Variants in HGF observed in about 807,000 individuals in gnomAD.
The protein encoded by HGF is hepatocyte growth factor.
Under a neutral mutation model 111.6 loss-of-function variants are expected in HGF, and 39 were observed. That is an observed-to-expected ratio of 0.35 (90% CI 0.27 to 0.46). HGF has a LOEUF of 0.46. HGF is among the 20% of genes least tolerant of loss of function. The pLI is 1.00. For missense variants in HGF, 735 were observed against 910.5 expected, an observed-to-expected ratio of 0.81 and a Z score of 2.48; for synonymous variants, 285 against 294.8, an observed-to-expected ratio of 0.97 and a Z score of 0.34.
intron 15 of HGF, 106 bp from the exon 16 acceptor site, chr7:81,705,859 G>T: frequency 1.2e-5 from 7 of 591,028 alleles, no homozygotes; most frequent in Non-Finnish European, 1.7e-5. Context: ...AGAGAATGAA[G>T]TCCTGTTTCT....
At chr7:81,732,021 A>G (rs1787677340) in intron 7 of HGF, among the ~76,000 whole-genome samples, 1 of 152,070 alleles carries the variant, frequency 6.6e-6, no homozygotes, top group Non-Finnish European at 1.5e-5. Context: ...TTACTTTCCT[A>G]CTTAATTGTA....
chr7:81,714,220 T>G (rs999614732), intron 11 of HGF, among the ~76,000 whole-genome samples: 2 of 152,170 alleles, frequency 1.3e-5, no homozygotes, highest in Non-Finnish European at 1.5e-5. Context: ...TGCTTTGTAA[T>G]TATTTCCATA....
At chr7:81,740,378 A>C (rs2115996103) in intron 7 of HGF, among the ~76,000 whole-genome samples, 1 of 152,318 alleles carries the variant, frequency 6.6e-6, no homozygotes, top group East Asian at 1.9e-4. Context: ...ACAAGTAAAT[A>C]CATGTGTGGT....
At chr7:81,713,565 A>G (rs1303524536) in intron 11 of HGF, among the ~76,000 whole-genome samples, 3 of 151,838 alleles carry the variant, frequency 2.0e-5, no homozygotes, top group Non-Finnish European at 2.9e-5. Flanking sequence ...TGTAGACACT[A>G]TACATTTTGG....
chr7:81,744,303 ATTTTTT>A (rs199738928), intron 6 of HGF, among the ~76,000 whole-genome samples: 1 of 146,496 alleles, frequency 6.8e-6, no homozygotes, highest in Non-Finnish European at 1.5e-5. Flanking sequence ...AGTAGACATG[ATTTTTT>A]TTTTTTTTTT....
chr7:81,768,650 A>T (rs1313598553), intron 1 of HGF, among the ~76,000 whole-genome samples: 1 of 152,188 alleles, frequency 6.6e-6, no homozygotes, highest in Non-Finnish European at 1.5e-5. Flanking sequence ...AAGTGCTGGG[A>T]TTACAGGCGT....
At chr7:81,744,290 A>T (rs936354946) in intron 6 of HGF, among the ~76,000 whole-genome samples, 2 of 121,412 alleles carry the variant, frequency 1.6e-5, no homozygotes, top group African/African-American at 3.3e-5. Flanking sequence ...ATACATGGGC[A>T]AAAGTAGACA....
In HGF at chr7:81,729,630, T is replaced by C; in HGVS notation, c.1015A>G (p.Met339Val). The C allele has an allele frequency of 1.2e-6, 2 of 1,613,962 alleles. No homozygotes were observed. The highest frequency in any genetic ancestry group is 1.6e-4 in the Middle Eastern group (1 of 6,062). ...WDSQYPHEHDMTPENFKCKDL... is the reference protein window; with the variant it reads ...WDSQYPHEHDVTPENFKCKDL... ...TTGCACTTGAAATTTTCAGGAGTCATGTCATGCTCGTGAGGATACTGAGAA... is the reference window on the plus strand; with the variant it reads ...TTGCACTTGAAATTTTCAGGAGTCACGTCATGCTCGTGAGGATACTGAGAA... The change falls in exon 8 of 18, where the codon ATG becomes GTG. Residue 339 changes from methionine (M) to valine (V), a missense_variant. Physicochemically the swap from Met to Val is conservative, Grantham distance 21. This residue lies in a region of HGF where 553 missense variants were observed against 685.6 expected (regional missense o/e 0.81). Transcript: ENST00000222390.
At chr7:81,729,546 C>T (rs1787564003) in intron 8 of HGF, 59 bp downstream of exon 8, 6 of 1,318,442 alleles carry the variant, frequency 4.6e-6, no homozygotes, top group Non-Finnish European at 6.6e-6. Context: ...AAAGTAACCA[C>T]TCTACCTCAT....
intron 3 of HGF, among the ~76,000 whole-genome samples, 182 bp from the exon 4 acceptor site, chr7:81,757,485 A>C (rs973022027): frequency 6.6e-6 from 1 of 152,302 alleles, no homozygotes; most frequent in Middle Eastern, 3.4e-3. Context: ...ATAATCCAAA[A>C]CAAACAGATG....
intron 3 of HGF, among the ~76,000 whole-genome samples, chr7:81,758,421 A>C (rs1028557965): frequency 1.3e-5 from 2 of 152,026 alleles, no homozygotes; most frequent in African/African-American, 4.8e-5. Flanking sequence ...TGCCAGTTCT[A>C]GGAGATGCTC....
intron 11 of HGF, among the ~76,000 whole-genome samples, chr7:81,716,679 T>G (rs1448188196): frequency 1.3e-5 from 2 of 152,208 alleles, no homozygotes; most frequent in African/African-American, 4.8e-5. Context: ...ATGTATTACA[T>G]GTTTTTTATA....
intron 5 of HGF, 97 bp downstream of exon 5, chr7:81,752,023 T>A: frequency 6.4e-7 from 1 of 1,563,904 alleles, no homozygotes; most frequent in African/African-American, 1.4e-5. Flanking sequence ...ACAACATATT[T>A]GTTATGATTG....
chr7:81,702,535 TA>T lies in HGF; in HGVS notation c.*45del. On this transcript the variant is annotated 3_prime_UTR_variant, in exon 18 of 18. Transcript: ENST00000222390. ...TTCCACATTCTCTGAAATCTTCATG[TA>T]AAAGACAGTTGTATTGGTGGGTGCT... 1 of 1,454,346 alleles carries T rather than the reference TA, an allele frequency of 6.9e-7. No homozygotes were observed. Among genetic ancestry groups the T allele is most frequent in the Non-Finnish European group, 9.7e-7 (1 of 1,036,092 alleles). The allele number at this position is 1,454,346 out of a possible 1,614,324, so 90.1% of individuals were successfully genotyped here. A position where few individuals can be genotyped will look rare whatever the true frequency, so the allele number is the denominator to read the frequency against.
chr7:81,725,473 A>T (rs1461785543), intron 9 of HGF, among the ~76,000 whole-genome samples: 1 of 152,170 alleles, frequency 6.6e-6, no homozygotes, highest in Non-Finnish European at 1.5e-5. Context: ...TCTTATAGCA[A>T]GTAAGATCTT....
In HGF at chr7:81,705,277, T is replaced by C. The variant is rs117001739; in HGVS notation, c.2010+113A>G. 371 of 1,004,468 alleles carry C rather than the reference T, an allele frequency of 3.7e-4. No individual in the cohort carries two copies. In the East Asian group the frequency reaches 5.3e-3, roughly 14 times the overall value. The allele number at this position is 1,004,468 out of a possible 1,614,324, so 62.2% of individuals were successfully genotyped here. On this transcript the variant is annotated intron_variant, in intron 17 of 17. Coordinates refer to ENST00000222390, the MANE Select transcript of HGF (RefSeq NM_000601.6). ...GTTAATTTTCCCAATTCCTCTTTCC[T>C]AGAATAGGTTGGTATACAATATTTT...
rs1285800343 is a variant in HGF, at chr7:81,705,721, A to G, written c.1790T>C (p.Ile597Thr). Reference protein sequence around the residue: ...PAVLDDFVSTIDLPNYGCTIP... With the variant: ...PAVLDDFVSTTDLPNYGCTIP... Reference sequence around the variant, plus strand: ...TGTGCATCCATAATTAGGTAAATCAATCGTACTAACAAAATCATCCAGGAC... The same window carrying G: ...TGTGCATCCATAATTAGGTAAATCAGTCGTACTAACAAAATCATCCAGGAC... The change falls in exon 16 of 18, where the codon ATT becomes ACT. Residue 597 changes from isoleucine to threonine, a missense_variant. Physicochemically the swap from Ile to Thr is moderately conservative, Grantham distance 89. Coordinates refer to ENST00000222390, the MANE Select transcript of HGF (RefSeq NM_000601.6). 10 of 1,612,010 alleles carry G rather than the reference A, an allele frequency of 6.2e-6. No homozygotes were observed. The highest frequency in any genetic ancestry group is 3.3e-5 in the Admixed American group (2 of 59,800).
At chr7:81,711,845 T>C (rs961005049) in intron 11 of HGF, among the ~76,000 whole-genome samples, 9 of 152,122 alleles carry the variant, frequency 5.9e-5, no homozygotes, top group Admixed American at 3.9e-4. Context: ...GATTTCGCCA[T>C]GTGGGCCAGG....
At chr7:81,731,122 C>G (rs1414038514) in intron 7 of HGF, among the ~76,000 whole-genome samples, 1 of 152,100 alleles carries the variant, frequency 6.6e-6, no homozygotes, top group Non-Finnish European at 1.5e-5. Flanking sequence ...TATGAGCTAA[C>G]CTAGGCAAAC....
Sources: allele counts gnomAD v4.1 joint callset (sites outside exome capture counted in the v4.1 genomes callset), GRCh38; gene constraint gnomAD v4.1.1; regional missense constraint gnomAD v4.1.1; transcripts MANE v1.5; gene names NCBI Gene and HGNC (gene_info 2026-07-23, HGNC 2026-07-21).